The following EXT1 variants were observed in gnomAD, a reference collection of about 807,000 sequenced individuals.
EXT1 encodes the protein exostosin-1.
EXT1 carries 20 observed loss-of-function variants against 82.5 expected under a neutral mutation model. The ratio of observed to expected loss-of-function variants is 0.24; its 90% CI spans 0.17 to 0.35. The LOEUF is 0.35. EXT1 is among the 10% of genes least tolerant of loss of function. The pLI, the probability that EXT1 is intolerant of heterozygous loss-of-function variation, is 1.00. For synonymous variants in EXT1, 348 were observed against 350.8 expected (o/e 0.99, Z 0.09); for missense variants, 757 against 936.5 (o/e 0.81, Z 2.50).
At chr8:117,842,420 A>G (rs561181247) in intron 1 of EXT1, among the ~76,000 whole-genome samples, 1 of 152,334 alleles carries the variant, frequency 6.6e-6, no homozygotes, top group East Asian at 1.9e-4. Context: ...GCCAGCTTCA[A>G]GTTAGAAAAT....
chr8:117,951,330 A>G (rs982164147), intron 1 of EXT1, among the ~76,000 whole-genome samples: 1 of 152,242 alleles, frequency 6.6e-6, no homozygotes, highest in Non-Finnish European at 1.5e-5. Flanking sequence ...TGAAAGTGAG[A>G]ATATAGGTTC....
intron 1 of EXT1, among the ~76,000 whole-genome samples, chr8:117,881,590 T>A (rs1321544163): frequency 6.6e-6 from 1 of 152,148 alleles, no homozygotes; most frequent in African/African-American, 2.4e-5. Flanking sequence ...GTTCCAGGAC[T>A]AAGGCCAATT....
intron 1 of EXT1, among the ~76,000 whole-genome samples, chr8:118,020,673 G>A (rs1342559202): frequency 6.6e-6 from 1 of 152,146 alleles, no homozygotes; most frequent in Admixed American, 6.5e-5. Context: ...TGATCGAATA[G>A]TATTACATTA....
At chr8:117,894,442 T>G (rs1813300890) in intron 1 of EXT1, among the ~76,000 whole-genome samples, 1 of 152,134 alleles carries the variant, frequency 6.6e-6, no homozygotes, top group South Asian at 2.1e-4. Context: ...AGCAGAAGGT[T>G]CCTAATCCCA....
intron 1 of EXT1, among the ~76,000 whole-genome samples, chr8:117,997,364 T>G (rs1168400424): frequency 6.6e-6 from 1 of 150,800 alleles, no homozygotes; most frequent in East Asian, 1.9e-4. Flanking sequence ...AATTTTCAAT[T>G]TTCAGTCTGA....
At chr8:117,809,242 T>TATATATATATATATATATATATA (rs796605483) in intron 8 of EXT1, among the ~76,000 whole-genome samples, 2 of 141,214 alleles carry the variant, frequency 1.4e-5, no homozygotes, top group East Asian at 4.2e-4. Flanking sequence ...TATATATATA[T>TATATATATATATATATATATATA]ATTATGTTCT....
At chr8:117,854,140 A>C (rs925230323) in intron 1 of EXT1, among the ~76,000 whole-genome samples, 2 of 152,220 alleles carry the variant, frequency 1.3e-5, no homozygotes, top group African/African-American at 4.8e-5. Flanking sequence ...CATTGACTCT[A>C]ATAGTTGTTA....
chr8:117,991,615 G>A (rs540615263), intron 1 of EXT1, among the ~76,000 whole-genome samples: 32 of 151,856 alleles, frequency 2.1e-4, no homozygotes, highest in African/African-American at 6.8e-4. Context: ...AGGCTGGAGC[G>A]CAGTGGCATG....
At position 117,934,144 on chromosome 8, in the gene EXT1, G is replaced by T. The variant is rs139412157; in HGVS notation, c.963-96943C>A. ...TCTGAGACACACCTGTAAATTTTCA[G>T]AACTTCCCCATTCCCCACCCCACAG... On this transcript the variant is annotated intron_variant, in intron 1 of 10. Coordinates refer to ENST00000378204, the MANE Select transcript of EXT1 (RefSeq NM_000127.3). 1.5e-4 allele frequency among the ~76,000 whole-genome samples: 23 copies of T among 152,094 alleles called. 2 individuals are homozygous for T. Among genetic ancestry groups the T allele is most frequent in the African/African-American group, 5.1e-4 (21 of 41,486 alleles).
chr8:117,851,927 T>C (rs1177905891), intron 1 of EXT1, among the ~76,000 whole-genome samples: 2 of 152,176 alleles, frequency 1.3e-5, no homozygotes, highest in Non-Finnish European at 2.9e-5. Context: ...CCATAGGGAC[T>C]GGCTTGGGAT....
chr8:117,993,870 C>CCA (rs1300901950), intron 1 of EXT1, among the ~76,000 whole-genome samples: 1 of 152,230 alleles, frequency 6.6e-6, no homozygotes, highest in Non-Finnish European at 1.5e-5. Flanking sequence ...TATGGCCAGC[C>CCA]TAGTGGCCCT....
chr8:118,083,748 C>T (rs572396549), intron 1 of EXT1, among the ~76,000 whole-genome samples: 10 of 152,198 alleles, frequency 6.6e-5, no homozygotes, highest in African/African-American at 1.2e-4. Context: ...AAGAGGGAGG[C>T]GGGGCGCAGT....
chr8:118,040,985 C>T (rs1563637537), intron 1 of EXT1, among the ~76,000 whole-genome samples: 1 of 152,178 alleles, frequency 6.6e-6, no homozygotes. Flanking sequence ...CAATTCTCAT[C>T]AAATCAAGCT....
intron 1 of EXT1, among the ~76,000 whole-genome samples, chr8:117,930,294 G>T (rs186038841): frequency 2.0e-5 from 3 of 152,202 alleles, no homozygotes; most frequent in African/African-American, 7.2e-5. Flanking sequence ...GTGGGGAGCG[G>T]AAGGGTGGAG....
chr8:117,972,932 G>A (rs1223715658), intron 1 of EXT1, among the ~76,000 whole-genome samples: 1 of 152,018 alleles, frequency 6.6e-6, no homozygotes, highest in Middle Eastern at 3.2e-3. Context: ...GGGGATTATG[G>A]GAACTAAAAT....
chr8:117,943,469 CA>C (rs141033236), intron 1 of EXT1, among the ~76,000 whole-genome samples: 33 of 151,850 alleles, frequency 2.2e-4, no homozygotes, highest in African/African-American at 5.6e-4. Flanking sequence ...TAGTCACATA[CA>C]AAAAAAATGT....
At chr8:118,039,577 A>C (rs555266193) in intron 1 of EXT1, among the ~76,000 whole-genome samples, 1 of 151,452 alleles carries the variant, frequency 6.6e-6, no homozygotes, top group Non-Finnish European at 1.5e-5. Flanking sequence ...AAAAAAAAAA[A>C]AAAATAAGAT....
chr8:117,980,488 A>G (rs534830127), intron 1 of EXT1, among the ~76,000 whole-genome samples: 11 of 152,258 alleles, frequency 7.2e-5, no homozygotes, highest in African/African-American at 2.6e-4. Flanking sequence ...CACTGCTAAA[A>G]TCTTCCTTAC....
At chr8:118,046,243 ACT>A in intron 1 of EXT1, among the ~76,000 whole-genome samples, 1 of 151,044 alleles carries the variant, frequency 6.6e-6, no homozygotes, top group South Asian at 2.1e-4. Flanking sequence ...CTAATTCTTG[ACT>A]CTGTCAATTT....
Sources: gnomAD v4.1 joint callset for allele counts (sites outside exome capture counted in the v4.1 genomes callset) on GRCh38, gnomAD v4.1.1 for gene constraint, MANE v1.5 for transcripts, NCBI Gene and HGNC (gene_info 2026-07-23, HGNC 2026-07-21) for gene names.